CNTNAP2: variants seen among roughly 807,000 people sequenced by gnomAD.
The protein encoded by CNTNAP2 is contactin associated protein 2, also known as contactin-associated protein-like 2.
CNTNAP2 carries 98 observed loss-of-function variants against 155.2 expected under a neutral mutation model. The observed-to-expected ratio is 0.63, with a 90% CI of 0.54 to 0.75. The LOEUF is 0.75. CNTNAP2 is among the 30% of genes least tolerant of loss of function. The pLI, the probability that CNTNAP2 is intolerant of heterozygous loss-of-function variation, is 0.00. For missense variants in CNTNAP2, 1,727 were observed against 1,688.1 expected (o/e 1.02, Z -0.40); for synonymous variants, 651 against 631.2 (o/e 1.03, Z -0.47).
At chr7:147,921,890 G>A (rs1433824560) in intron 14 of CNTNAP2, among the ~76,000 whole-genome samples, 1 of 152,128 alleles carries the variant, frequency 6.6e-6, no homozygotes, top group African/African-American at 2.4e-5. Context: ...ATATCAATAT[G>A]GGGGGTAGGA....
At chr7:147,509,472 C>A (rs1798976909) in intron 11 of CNTNAP2, among the ~76,000 whole-genome samples, 1 of 152,148 alleles carries the variant, frequency 6.6e-6, no homozygotes. Context: ...TGAAGGAAAG[C>A]AGCTGGACTT....
chr7:147,814,372 A>T (rs904614096), intron 13 of CNTNAP2, among the ~76,000 whole-genome samples: 1 of 152,128 alleles, frequency 6.6e-6, no homozygotes, highest in African/African-American at 2.4e-5. Flanking sequence ...TGCCTGTAGG[A>T]CTGAACCTTG....
intron 15 of CNTNAP2, among the ~76,000 whole-genome samples, chr7:148,085,579 C>T (rs1803709617): frequency 6.6e-6 from 1 of 152,122 alleles, no homozygotes; most frequent in Admixed American, 6.6e-5. Flanking sequence ...TTAGTTAGTA[C>T]CGTGATTTCT....
chr7:146,816,363 G>A (rs2129195032), intron 2 of CNTNAP2, among the ~76,000 whole-genome samples: 1 of 152,258 alleles, frequency 6.6e-6, no homozygotes, highest in East Asian at 1.9e-4. Flanking sequence ...GATTGGAAGA[G>A]GATTCGGTGG....
chr7:147,469,289 T>G (rs1370154151), intron 10 of CNTNAP2, among the ~76,000 whole-genome samples: 2 of 152,100 alleles, frequency 1.3e-5, no homozygotes, highest in Admixed American at 1.3e-4. Context: ...TACAAAAGTA[T>G]CTTACAAAGG....
chr7:147,439,593 T>G (rs1037924792), intron 10 of CNTNAP2, among the ~76,000 whole-genome samples: 6 of 152,048 alleles, frequency 3.9e-5, no homozygotes, highest in Non-Finnish European at 4.4e-5. Context: ...ATTTATTAGA[T>G]CCATTTGGTC....
At chr7:147,046,039 A>C (rs2372810) in intron 4 of CNTNAP2, among the ~76,000 whole-genome samples, 24,537 of 152,144 alleles carry the variant, frequency 0.16, 3,304 homozygotes, top group African/African-American at 0.36. Context: ...AGTGGGACAA[A>C]TAATTTAATA....
intron 2 of CNTNAP2, among the ~76,000 whole-genome samples, chr7:146,780,115 C>T (rs1452646877): frequency 2.0e-5 from 3 of 152,114 alleles, no homozygotes; most frequent in East Asian, 1.9e-4. Flanking sequence ...AATGGTTCAA[C>T]GAATTTACAC....
At chr7:148,265,785 A>C (rs2116838463) in intron 20 of CNTNAP2, among the ~76,000 whole-genome samples, 1 of 152,244 alleles carries the variant, frequency 6.6e-6, no homozygotes, top group South Asian at 2.1e-4. Flanking sequence ...CTTAACCGTG[A>C]CTGTGCAATG....
chr7:147,821,592 G>T lies in CNTNAP2; in HGVS notation c.2099-81973G>T, dbSNP rs115915884. Among the ~76,000 whole-genome samples the T allele has an allele frequency of 1.9e-3, 284 of 152,270 alleles. 1 individual carries two copies. The highest frequency in any genetic ancestry group is 6.2e-3 in the African/African-American group (256 of 41,578). ...TGGAAGTCCTGGAGAAGGTCTTCCA[G>T]TGTGGTAACTTAGGAACTGAGATTG... On this transcript the variant is annotated intron_variant, in intron 13 of 23. Coordinates refer to ENST00000361727, the MANE Select transcript of CNTNAP2 (RefSeq NM_014141.6).
intron 18 of CNTNAP2, among the ~76,000 whole-genome samples, chr7:148,192,927 A>G (rs1474909177): frequency 1.3e-5 from 2 of 152,142 alleles, no homozygotes; most frequent in African/African-American, 2.4e-5. Context: ...TAAGGGCCAC[A>G]TGTGTCTTTC....
At chr7:146,384,832 G>A (rs1795437889) in intron 1 of CNTNAP2, among the ~76,000 whole-genome samples, 3 of 152,086 alleles carry the variant, frequency 2.0e-5, no homozygotes, top group African/African-American at 2.4e-5. Context: ...GTCTTTTTTC[G>A]ATGTAATTAT....
intron 21 of CNTNAP2, among the ~76,000 whole-genome samples, chr7:148,345,394 G>T (rs1798308884): frequency 6.6e-6 from 1 of 151,930 alleles, no homozygotes; most frequent in South Asian, 2.1e-4. Context: ...ACAGAGCCTT[G>T]CTCTGTCACC....
intron 13 of CNTNAP2, among the ~76,000 whole-genome samples, chr7:147,723,761 C>T (rs1313147036): frequency 6.6e-6 from 1 of 152,002 alleles, no homozygotes; most frequent in Non-Finnish European, 1.5e-5. Flanking sequence ...AATTGACACA[C>T]AATAATTATA....
chr7:146,819,265 A>G (rs1803230965), intron 2 of CNTNAP2, among the ~76,000 whole-genome samples: 1 of 152,164 alleles, frequency 6.6e-6, no homozygotes, highest in African/African-American at 2.4e-5. Context: ...GGAAGTGATG[A>G]CAATGGTAGT....
chr7:147,451,981 C>A (rs1444155589), intron 10 of CNTNAP2, among the ~76,000 whole-genome samples: 1 of 152,134 alleles, frequency 6.6e-6, no homozygotes, highest in African/African-American at 2.4e-5. Context: ...CAGATGCTGG[C>A]CCCTTGATCT....
chr7:147,838,897 T>C (rs939059496), intron 13 of CNTNAP2, among the ~76,000 whole-genome samples: 2 of 152,118 alleles, frequency 1.3e-5, no homozygotes, highest in African/African-American at 4.8e-5. Context: ...AAATCTGTAT[T>C]AGGGTTCTCT....
At chr7:147,852,987 G>A (rs1220882638) in intron 13 of CNTNAP2, among the ~76,000 whole-genome samples, 5 of 152,152 alleles carry the variant, frequency 3.3e-5, no homozygotes, top group African/African-American at 7.2e-5. Flanking sequence ...CCCACAGATG[G>A]AAGGAACATT....
intron 13 of CNTNAP2, among the ~76,000 whole-genome samples, chr7:147,651,700 G>T (rs1487056128): frequency 6.6e-6 from 1 of 152,158 alleles, no homozygotes; most frequent in Non-Finnish European, 1.5e-5. Flanking sequence ...CAATTTGAGA[G>T]AATCAAGTAG....
Sources: allele counts gnomAD v4.1 joint callset (sites outside exome capture counted in the v4.1 genomes callset), GRCh38; gene constraint gnomAD v4.1.1; transcripts MANE v1.5; gene names NCBI Gene and HGNC (gene_info 2026-07-23, HGNC 2026-07-21).